Variants in ITFG2 observed in about 807,000 individuals in gnomAD.
ITFG2 encodes KICSTOR complex protein ITFG2.
A neutral mutation model predicts 54.4 loss-of-function variants in ITFG2; 36 were observed. The observed-to-expected ratio is 0.66, with a 90% CI of 0.51 to 0.87. ITFG2 has a LOEUF of 0.87. ITFG2 is among the 40% of genes least tolerant of loss of function. ITFG2 has a pLI of 0.00. For synonymous variants in ITFG2, 211 were observed against 225.4 expected (o/e 0.94, Z 0.57); for missense variants, 524 against 576.7 (o/e 0.91, Z 0.94).
chr12:2,841,449 G>A (rs2098040888), intron 2 of ITFG2, among the ~76,000 whole-genome samples: 1 of 152,152 alleles, frequency 6.6e-6, no homozygotes, highest in South Asian at 2.1e-4. Flanking sequence ...CAGGCACAAA[G>A]GCCTCCTAAA....
chr12:2,847,688 A>C (rs1291906213), intron 2 of ITFG2, among the ~76,000 whole-genome samples: 2 of 149,888 alleles, frequency 1.3e-5, no homozygotes, highest in Admixed American at 6.7e-5. Flanking sequence ...AAAGCCCCCC[A>C]AAAAAATCAC....
chr12:2,841,994 G>A (rs954282052), intron 2 of ITFG2, among the ~76,000 whole-genome samples: 2 of 151,868 alleles, frequency 1.3e-5, no homozygotes, highest in African/African-American at 4.8e-5. Context: ...TGGGATTACA[G>A]GCATGAACCA....
At chr12:2,854,818 G>A (rs1287497686) in intron 2 of ITFG2, 15 of 1,403,766 alleles carry the variant, frequency 1.1e-5, no homozygotes, top group Non-Finnish European at 1.3e-5. Flanking sequence ...GTCCCGGTTA[G>A]AAACAGGAAC....
intron 2 of ITFG2, among the ~76,000 whole-genome samples, chr12:2,854,171 A>G (rs1056661385): frequency 5.9e-5 from 9 of 151,848 alleles, no homozygotes; most frequent in South Asian, 2.1e-4. Context: ...GATTGCAGGC[A>G]CCCATCACCA....
At chr12:2,843,250 G>T (rs2098045716) in intron 2 of ITFG2, among the ~76,000 whole-genome samples, 1 of 152,198 alleles carries the variant, frequency 6.6e-6, no homozygotes, top group Non-Finnish European at 1.5e-5. Flanking sequence ...CTGAAGACAG[G>T]AATGAAGTTG....
chr12:2,827,654 G>A (rs2097975277), downstream of ITFG2: 1 of 1,614,136 alleles, frequency 6.2e-7, no homozygotes, highest in Non-Finnish European at 8.5e-7. This position sits in a 1 kb window ranked among gnomAD's most constrained non-coding sequence, Gnocchi z 4.0. Context: ...TGCAGGCCCA[G>A]GCAGAATTCA....
At chr12:2,830,633 G>A (rs1178009171) in intron 2 of ITFG2, 2 of 1,483,490 alleles carry the variant, frequency 1.3e-6, no homozygotes, top group East Asian at 2.4e-5. Flanking sequence ...CATCAGGGCA[G>A]AGCAGAAAGG....
Position 2,820,115 on chromosome 12 carries a change from G to T in ITFG2, c.436G>T (p.Gly146Cys). Reference sequence around the variant, plus strand: ...AGATGGGTGTCGTGAGCTGGTGGTGGGCTACACAGACCGTGTGGTGCGAGC... The same window carrying T: ...AGATGGGTGTCGTGAGCTGGTGGTGTGCTACACAGACCGTGTGGTGCGAGC... ...DGDGCRELVV[G>C]YTDRVVRAFR... The change falls in exon 5 of 12, where the codon GGC becomes TGC. Residue 146 changes from glycine (G) to cysteine (C), a missense_variant. Coordinates refer to ENST00000228799, the MANE Select transcript of ITFG2 (RefSeq NM_018463.4). 1 of 1,613,442 alleles carries T rather than the reference G, an allele frequency of 6.2e-7. No individual in the cohort carries two copies. Among genetic ancestry groups the T allele is most frequent in the African/African-American group, 1.3e-5 (1 of 75,016 alleles).
chr12:2,839,803 G>A (rs1487183124), intron 1 of ITFG2, among the ~76,000 whole-genome samples: 1 of 152,218 alleles, frequency 6.6e-6, no homozygotes, highest in African/African-American at 2.4e-5. Flanking sequence ...GTCCTCTGCA[G>A]CAACATGGAT....
chr12:2,843,786 C>G (rs77071039), intron 2 of ITFG2, among the ~76,000 whole-genome samples: 2,494 of 132,900 alleles, frequency 0.019, 32 homozygotes, highest in East Asian at 0.077. Flanking sequence ...GCACTCCAGC[C>G]TGGGTGACAG....
chr12:2,841,865 C>G (rs2098041903), intron 2 of ITFG2, among the ~76,000 whole-genome samples: 1 of 146,948 alleles, frequency 6.8e-6, no homozygotes, highest in Admixed American at 6.8e-5. Flanking sequence ...ACTACAGGCG[C>G]CCGCCACCAC....
chr12:2,834,749 G>A, upstream of ITFG2: 1 of 1,614,040 alleles, frequency 6.2e-7, no homozygotes, highest in South Asian at 1.1e-5. Flanking sequence ...TGCTGGCTCA[G>A]GTGGGCTCGG....
chr12:2,827,604 G>C, downstream of ITFG2: 1 of 1,614,200 alleles, frequency 6.2e-7, no homozygotes, highest in Admixed American at 1.7e-5. The surrounding 1 kb of genome is among the most constrained non-coding windows in gnomAD (Gnocchi z 4.0). Context: ...CTTTGGGTCA[G>C]GCCCTGAGTG....
chr12:2,844,648 T>C (rs7958039), intron 2 of ITFG2, among the ~76,000 whole-genome samples: 29,879 of 152,030 alleles, frequency 0.2, 3,492 homozygotes, highest in South Asian at 0.35. Flanking sequence ...CCTTCAGCAC[T>C]CCTGTCCCTC....
intron 2 of ITFG2, among the ~76,000 whole-genome samples, chr12:2,848,817 G>A (rs1003775714): frequency 1.3e-5 from 2 of 151,688 alleles, no homozygotes; most frequent in Non-Finnish European, 2.9e-5. Flanking sequence ...AGTGGAGATA[G>A]CTTCTTCTTA....
At chr12:2,834,705 G>C, upstream of ITFG2, 1 of 1,614,052 alleles carries the variant, frequency 6.2e-7, no homozygotes, top group South Asian at 1.1e-5. Context: ...CCGAGTCCTT[G>C]TGCAGGAACT....
rs138970255 is a variant in ITFG2, at chr12:2,821,792, C to T, written c.948C>T (p.Thr316=). Residue 316 remains threonine (T), a splice_region_variant and synonymous_variant, in exon 9 of 12, where the codon ACC becomes ACT. Transcript: ENST00000228799. ...QLFALEKLDV[T]GNGHEEVVAC... The stretch of plus-strand genomic sequence containing the variant: ...TTGCCCTGGAGAAACTGGATGTCAC[C>T]GTGAGTGGAAAACCTGGCAGAGCAG... The T allele has an allele frequency of 4.3e-6, 7 of 1,611,662 alleles. No homozygotes were observed. Among genetic ancestry groups the T allele is most frequent in the Middle Eastern group, 1.7e-4 (1 of 6,054 alleles).
intron 1 of ITFG2, among the ~76,000 whole-genome samples, chr12:2,816,032 T>A (rs1603482423): frequency 1.0e-5 from 1 of 97,178 alleles, no homozygotes; most frequent in South Asian, 5.6e-4. Context: ...ACCTGGATAA[T>A]TTTTTTTTTT....
Position 2,820,116 on chromosome 12 carries a change from G to C in ITFG2, c.437G>C (p.Gly146Ala). ...DGDGCRELVV[G>A]YTDRVVRAFR... ...GATGGGTGTCGTGAGCTGGTGGTGG[G>C]CTACACAGACCGTGTGGTGCGAGCT... Residue 146 changes from glycine (G) to alanine (A), a missense_variant, in exon 5 of 12, where the codon GGC becomes GCC. Gly to Ala is a moderately conservative substitution (Grantham distance 60). Coordinates refer to ENST00000228799, the MANE Select transcript of ITFG2 (RefSeq NM_018463.4). 1 of 1,613,518 alleles carries C rather than the reference G, an allele frequency of 6.2e-7. No individual in the cohort carries two copies.
Sources: gnomAD v4.1 joint callset for allele counts (sites outside exome capture counted in the v4.1 genomes callset) on GRCh38, gnomAD v4.1.1 for gene constraint, Gnocchi (gnomAD v3.1) non-coding constraint, MANE v1.5 for transcripts, NCBI Gene and HGNC (gene_info 2026-07-23, HGNC 2026-07-21) for gene names.